The following SPAG9 variants were observed in gnomAD, a reference collection of about 807,000 sequenced individuals.
The protein encoded by SPAG9 is sperm associated antigen 9, also known as C-Jun-amino-terminal kinase-interacting protein 4.
SPAG9 carries 35 observed loss-of-function variants against 166.5 expected under a neutral mutation model. That is an observed-to-expected ratio of 0.21 (90% CI 0.16 to 0.28). The LOEUF is 0.28. SPAG9 is among the 10% of genes least tolerant of loss of function. The probability of loss-of-function intolerance (pLI) is 1.00; values close to 1 mark genes in which losing one functional copy is unlikely to be tolerated. For synonymous variants in SPAG9, 534 were observed against 565.5 expected (o/e 0.94, Z 0.79); for missense variants, 1,235 against 1,603.3 (o/e 0.77, Z 3.92).
chr17:50,988,107 C>CT (rs1177689031), intron 21 of SPAG9, among the ~76,000 whole-genome samples: 1 of 152,038 alleles, frequency 6.6e-6, no homozygotes, highest in Non-Finnish European at 1.5e-5. Flanking sequence ...TCCCAGCTAC[C>CT]TGGGAGGCTG....
chr17:51,080,836 G>A (rs1037454295), intron 1 of SPAG9, among the ~76,000 whole-genome samples: 1 of 133,026 alleles, frequency 7.5e-6, no homozygotes, highest in Admixed American at 8.3e-5. Flanking sequence ...GCAGTGAGCC[G>A]AGATCGCACC....
chr17:50,996,458 C>G, intron 16 of SPAG9, 107 bp downstream of exon 16: 1 of 1,315,456 alleles, frequency 7.6e-7, no homozygotes. Context: ...GTCCATGCGG[C>G]TGAGATGAGC....
In SPAG9 at chr17:51,120,759, T is replaced by A; in HGVS notation, c.-103A>T. On this transcript the variant is annotated 5_prime_UTR_variant, in exon 1 of 30. Transcript: ENST00000262013. The surrounding 1 kb of genome is among the most constrained non-coding windows in gnomAD (Gnocchi z 4.7). ...CTCGGGCTGGGACGGGTACTAGGGC[T>A]GGAGCCCGGGCCGGGGCTGGGGCTG... 5.8e-6 allele frequency: 6 copies of A among 1,035,398 alleles called. No individual in the cohort carries two copies. Among genetic ancestry groups the A allele is most frequent in the Non-Finnish European group, 8.0e-6 (6 of 751,524 alleles). 64.1% of individuals were successfully genotyped at this position (1,035,398 alleles called of 1,614,324 possible). A position where few individuals can be genotyped will look rare whatever the true frequency, so the allele number is the denominator to read the frequency against.
At chr17:51,048,446 C>CTT (rs919881596) in intron 3 of SPAG9, among the ~76,000 whole-genome samples, 1 of 143,408 alleles carries the variant, frequency 7.0e-6, no homozygotes, top group Non-Finnish European at 1.5e-5. Flanking sequence ...TACTTGAATT[C>CTT]TTTTTTTTTT....
chr17:51,078,530 G>C (rs2048077852), intron 2 of SPAG9, among the ~76,000 whole-genome samples: 1 of 151,962 alleles, frequency 6.6e-6, no homozygotes, highest in African/African-American at 2.4e-5. Context: ...CTAGGATTCT[G>C]AAAGTTTACA....
At position 50,979,861 on chromosome 17, in the gene SPAG9, C is replaced by A. The variant is rs1295199621; in HGVS notation, c.3294G>T (p.Val1098=). ...KESQVRQLAW[V]GDGVWVSIRL... The stretch of plus-strand genomic sequence containing the variant: ...GAATGGAGACCCACACGCCATCCCC[C>A]ACCCACGCAAGCTGTCGCACTTGGC... The change falls in exon 26 of 30, where the codon GTG becomes GTT. Residue 1098 remains valine, a synonymous_variant. Transcript: ENST00000262013. The A allele has an allele frequency of 1.9e-6, 3 of 1,614,190 alleles. No homozygotes were observed. The highest frequency in any genetic ancestry group is 1.7e-5 in the Admixed American group (1 of 60,022).
At chr17:51,110,712 C>T (rs2049084272) in intron 1 of SPAG9, among the ~76,000 whole-genome samples, 1 of 151,972 alleles carries the variant, frequency 6.6e-6, no homozygotes, top group Non-Finnish European at 1.5e-5. Context: ...AATTCTATAC[C>T]CTCAACTTGG....
chr17:51,103,582 G>C (rs990043562), intron 1 of SPAG9, among the ~76,000 whole-genome samples: 1 of 152,176 alleles, frequency 6.6e-6, no homozygotes, highest in Non-Finnish European at 1.5e-5. Flanking sequence ...GGGGCAGCCA[G>C]ATCACAAGGT....
At position 51,045,211 on chromosome 17, in the gene SPAG9, C is replaced by T. The variant is rs866343739; in HGVS notation, c.590+2164G>A. 2.0e-5 allele frequency among the ~76,000 whole-genome samples: 3 copies of T among 152,150 alleles called. 1 individual carries two copies. Among genetic ancestry groups the T allele is most frequent in the African/African-American group, 4.8e-5 (2 of 41,420 alleles). The stretch of plus-strand genomic sequence containing the variant: ...CCTTGTTGTACCCACTTGCAGGCGC[C>T]GCACAGCAGCTCACGGCACTGCCCT... On this transcript the variant is annotated intron_variant, in intron 4 of 29. Transcript: ENST00000262013.
intron 28 of SPAG9, among the ~76,000 whole-genome samples, chr17:50,974,089 A>C (rs1285689597): frequency 6.6e-6 from 1 of 152,086 alleles, no homozygotes; most frequent in East Asian, 1.9e-4. Context: ...AAAAATTCAA[A>C]ACCTGTGTCC....
chr17:51,063,507 G>A (rs2047576651), intron 2 of SPAG9, among the ~76,000 whole-genome samples: 1 of 151,896 alleles, frequency 6.6e-6, no homozygotes, highest in Admixed American at 6.6e-5. Flanking sequence ...ATTAACCTCT[G>A]TCTCAGCTTT....
Position 51,120,237 on chromosome 17 carries a change from C to T in SPAG9, c.303+117G>A. On this transcript the variant is annotated intron_variant, in intron 1 of 29. Transcript: ENST00000262013. The surrounding 1 kb of genome is among the most constrained non-coding windows in gnomAD (Gnocchi z 4.7). ...CGGGATCGGTCCCAGGGGGCATCGGCCTCAGGCCCGCCCTCCAGGAGGCCC... is the reference window on the plus strand; with the variant it reads ...CGGGATCGGTCCCAGGGGGCATCGGTCTCAGGCCCGCCCTCCAGGAGGCCC... 3.2e-6 allele frequency: 3 copies of T among 926,248 alleles called. No individual in the cohort carries two copies. Among genetic ancestry groups the T allele is most frequent in the South Asian group, 3.8e-5 (2 of 52,668 alleles). 57.4% of individuals were successfully genotyped at this position (926,248 alleles called of 1,614,324 possible).
intron 1 of SPAG9, among the ~76,000 whole-genome samples, chr17:51,091,355 G>A (rs1186683030): frequency 6.6e-6 from 1 of 151,388 alleles, no homozygotes; most frequent in African/African-American, 2.4e-5. Context: ...TTAATTGCTT[G>A]CCAGTGGCAT....
intron 2 of SPAG9, among the ~76,000 whole-genome samples, chr17:51,064,726 G>C (rs1346474940): frequency 6.6e-6 from 1 of 152,178 alleles, no homozygotes; most frequent in Non-Finnish European, 1.5e-5. Context: ...CAGGTATGAG[G>C]GGGTGGTTCT....
intron 1 of SPAG9, among the ~76,000 whole-genome samples, chr17:51,093,470 A>G (rs1193501294): frequency 6.6e-6 from 1 of 151,998 alleles, no homozygotes; most frequent in East Asian, 1.9e-4. Flanking sequence ...TGGGAGGCTG[A>G]GGCGGGTGGA....
Position 51,095,945 on chromosome 17 carries a change from TTATATATATAGTGA to T in SPAG9, c.304-16255_304-16242del, listed in dbSNP as rs1405448642. On this transcript the variant is annotated intron_variant, in intron 1 of 29. Coordinates refer to ENST00000262013, the MANE Select transcript of SPAG9 (RefSeq NM_001130528.3). ...TATAGTGATATATATAGTGATATAG[TTATATATATAGTGA>T]TATATATATATAGTGATATATATAT... Among the ~76,000 whole-genome samples the T allele has an allele frequency of 6.6e-3, 727 of 110,012 alleles. 71 individuals carry two copies. The highest frequency in any genetic ancestry group is 0.028 in the African/African-American group (655 of 23,270). 72.2% of individuals were successfully genotyped at this position (110,012 alleles called of 152,430 possible).
intron 8 of SPAG9, among the ~76,000 whole-genome samples, chr17:51,015,448 T>C (rs905215936): frequency 8.5e-5 from 13 of 152,076 alleles, no homozygotes; most frequent in African/African-American, 3.1e-4. Context: ...TTAAATGTTA[T>C]AGGCAGGAAA....
intron 20 of SPAG9, 26 bp downstream of exon 20, chr17:50,990,424 A>T (rs1975444128): frequency 2.0e-6 from 3 of 1,501,284 alleles, no homozygotes; most frequent in Admixed American, 1.7e-5. Context: ...CTCTATACAG[A>T]TGGCAGGTAA....
intron 9 of SPAG9, among the ~76,000 whole-genome samples, chr17:51,010,475 G>A (rs1014375926): frequency 6.6e-6 from 1 of 151,542 alleles, no homozygotes; most frequent in South Asian, 2.1e-4. Flanking sequence ...AAAATGCAGT[G>A]CCATGGGAAT....
Sources: allele counts gnomAD v4.1 joint callset (sites outside exome capture counted in the v4.1 genomes callset), GRCh38; gene constraint gnomAD v4.1.1; non-coding constraint Gnocchi (gnomAD v3.1); transcripts MANE v1.5; gene names NCBI Gene and HGNC (gene_info 2026-07-23, HGNC 2026-07-21).